ANK2: variants seen among roughly 807,000 people sequenced by gnomAD.
ANK2 encodes ankyrin 2, also known as ankyrin-2.
Under a neutral mutation model 360.5 loss-of-function variants are expected in ANK2, and 83 were observed. The observed-to-expected ratio is 0.23, with a 90% CI of 0.19 to 0.28. The LOEUF is 0.28. ANK2 is among the 10% of genes least tolerant of loss of function. The pLI is 1.00. For synonymous variants in ANK2, 1,740 were observed against 1,759.5 expected (o/e 0.99, Z 0.28); for missense variants, 4,201 against 4,795.7 (o/e 0.88, Z 3.66).
At chr4:113,183,793 A>T (rs2098461644) in intron 2 of ANK2, among the ~76,000 whole-genome samples, 1 of 152,036 alleles carries the variant, frequency 6.6e-6, no homozygotes, top group African/African-American at 2.4e-5. Context: ...GGAATTCAAG[A>T]ACCTGAACAC....
chr4:112,870,143 T>A (rs1269192163), intron 1 of ANK2, among the ~76,000 whole-genome samples: 1 of 151,810 alleles, frequency 6.6e-6, no homozygotes, highest in African/African-American at 2.4e-5. Flanking sequence ...GGACTACAGG[T>A]GCCCGCCACC....
intron 2 of ANK2, among the ~76,000 whole-genome samples, chr4:112,956,999 T>C (rs1405711579): frequency 6.7e-6 from 1 of 149,488 alleles, no homozygotes; most frequent in East Asian, 2.0e-4. Context: ...ATCTGCACTA[T>C]TGCTCTTGTT....
At chr4:113,363,945 G>C (rs1174898743) in intron 40 of ANK2, among the ~76,000 whole-genome samples, 3 of 152,130 alleles carry the variant, frequency 2.0e-5, no homozygotes, top group African/African-American at 7.2e-5. Flanking sequence ...AAGAATGAAT[G>C]AATTGATACA....
intron 1 of ANK2, among the ~76,000 whole-genome samples, chr4:113,130,049 G>A (rs951837460): frequency 3.3e-5 from 5 of 152,118 alleles, no homozygotes; most frequent in African/African-American, 9.7e-5. Context: ...ATCTGTGCAG[G>A]TATCTGTATA....
the ANK2 span, among the ~76,000 whole-genome samples, chr4:112,749,554 G>T: frequency 6.6e-6 from 1 of 152,198 alleles, no homozygotes; most frequent in Non-Finnish European, 1.5e-5. Context: ...ACCAACCCTG[G>T]AGGGCTTATG....
chr4:113,308,293 A>G (rs538926945), intron 23 of ANK2, among the ~76,000 whole-genome samples: 2 of 152,354 alleles, frequency 1.3e-5, no homozygotes, highest in African/African-American at 4.8e-5. Context: ...ATTTTCAAAG[A>G]GAAGCACATT....
chr4:113,151,866 G>A (rs1467567192), intron 1 of ANK2, among the ~76,000 whole-genome samples: 1 of 144,902 alleles, frequency 6.9e-6, no homozygotes, highest in African/African-American at 2.6e-5. Context: ...AGGAGTTCAA[G>A]ACCCCCTGGG....
At chr4:113,165,086 G>A (rs404950) in intron 1 of ANK2, among the ~76,000 whole-genome samples, 107,493 of 152,056 alleles carry the variant, frequency 0.71, 39,040 homozygotes, top group African/African-American at 0.87. Context: ...TAAAAACTCT[G>A]TCAGCTTTTC....
At chr4:113,189,309 C>T (rs1365228209) in intron 2 of ANK2, among the ~76,000 whole-genome samples, 1 of 152,144 alleles carries the variant, frequency 6.6e-6, no homozygotes, top group Non-Finnish European at 1.5e-5. Flanking sequence ...CTCTCTCTTC[C>T]CACAGAGTCC....
At chr4:113,376,103 C>T (rs2096923199) in intron 45 of ANK2, among the ~76,000 whole-genome samples, 1 of 152,162 alleles carries the variant, frequency 6.6e-6, no homozygotes, top group Admixed American at 6.5e-5. Context: ...CTTCCACATG[C>T]CTAGTGTTCA....
intron 2 of ANK2, among the ~76,000 whole-genome samples, chr4:112,916,193 C>G (rs2089774713): frequency 6.6e-6 from 1 of 152,178 alleles, no homozygotes; most frequent in Non-Finnish European, 1.5e-5. Flanking sequence ...CATGAATCTG[C>G]AGGATTTTTG....
chr4:113,259,776 C>A (rs1015265023), intron 13 of ANK2, among the ~76,000 whole-genome samples: 1 of 150,800 alleles, frequency 6.6e-6, no homozygotes, highest in Non-Finnish European at 1.5e-5. Flanking sequence ...TCATCATCCC[C>A]CCCCTTTTTT....
At chr4:113,076,701 C>T (rs1420621025) in intron 1 of ANK2, among the ~76,000 whole-genome samples, 2 of 151,248 alleles carry the variant, frequency 1.3e-5, no homozygotes, top group African/African-American at 2.4e-5. Flanking sequence ...GCAGCTGAGG[C>T]GGGAGGATCA....
chr4:112,827,661 G>C lies in ANK2; in HGVS notation c.-40+9397G>C, dbSNP rs962856626. Reference sequence around the variant, plus strand: ...AATTTACTGCCAAGGAAGACACAAAGAGCATTGTTGCACTGTTCTGAAATT... The same window carrying C: ...AATTTACTGCCAAGGAAGACACAAACAGCATTGTTGCACTGTTCTGAAATT... On this transcript the variant is annotated intron_variant, in intron 1 of 30. Coordinates refer to the ANK2 transcript ENST00000503271. 10 of 714,782 alleles carry C rather than the reference G, an allele frequency of 1.4e-5. No individual in the cohort carries two copies. The African/African-American group carries it at 1.6e-4, about 11-fold the overall frequency. The allele number at this position is 714,782 out of a possible 1,614,324, so 44.3% of individuals were successfully genotyped here. A position where few individuals can be genotyped will look rare whatever the true frequency, so the allele number is the denominator to read the frequency against.
At chr4:113,267,831 T>C (rs149752458) in intron 14 of ANK2, among the ~76,000 whole-genome samples, 2 of 152,338 alleles carry the variant, frequency 1.3e-5, no homozygotes, top group Non-Finnish European at 2.9e-5. Context: ...ATCTATAAAT[T>C]TCTTTGGGCA....
the ANK2 span, among the ~76,000 whole-genome samples, chr4:112,732,705 C>T: frequency 2.2e-4 from 34 of 152,308 alleles, no homozygotes; most frequent in East Asian, 6.4e-3. Flanking sequence ...TTTTAGAAGT[C>T]ATCTACTTGG....
At chr4:112,983,585 G>A (rs1171380701) in intron 2 of ANK2, among the ~76,000 whole-genome samples, 1 of 151,918 alleles carries the variant, frequency 6.6e-6, no homozygotes, top group African/African-American at 2.4e-5. Context: ...TGAGGCAGGA[G>A]AATTGCTTGA....
At chr4:113,178,436 G>T (rs2098298357) in intron 2 of ANK2, among the ~76,000 whole-genome samples, 1 of 151,852 alleles carries the variant, frequency 6.6e-6, no homozygotes, top group South Asian at 2.1e-4. Context: ...GCCGGGCGTG[G>T]CAGCAGGCGC....
At position 112,989,951 on chromosome 4, in the gene ANK2, A is replaced by C. The variant is rs183933439; in HGVS notation, c.21+85437A>C. On this transcript the variant is annotated intron_variant, in intron 2 of 30. Transcript: ENST00000503271. Reference sequence around the variant, plus strand: ...TGTTGAAATTGTGATACTGTAGCAAACTAAATTAATAATTTTTTAAAAAAT... The same window carrying C: ...TGTTGAAATTGTGATACTGTAGCAACCTAAATTAATAATTTTTTAAAAAAT... 2.6e-5 allele frequency among the ~76,000 whole-genome samples: 4 copies of C among 152,296 alleles called. No individual in the cohort carries two copies. The East Asian group carries it at 7.7e-4, about 29-fold the overall frequency.
Sources: gnomAD v4.1 joint callset for allele counts (sites outside exome capture counted in the v4.1 genomes callset) on GRCh38, gnomAD v4.1.1 for gene constraint, MANE v1.5 for transcripts, NCBI Gene and HGNC (gene_info 2026-07-23, HGNC 2026-07-21) for gene names.